NUMB: variants seen among roughly 807,000 people sequenced by gnomAD.
NUMB encodes the protein protein numb homolog.
Under a neutral mutation model 59.7 loss-of-function variants are expected in NUMB, and 29 were observed. The ratio of observed to expected loss-of-function variants is 0.49; its 90% CI spans 0.36 to 0.66. NUMB has a LOEUF of 0.66. Ranked by LOEUF, NUMB falls within the 30% of genes least tolerant of loss-of-function variation. NUMB has a pLI of 0.00. For missense variants in NUMB, 723 were observed against 822.0 expected (o/e 0.88, Z 1.47); for synonymous variants, 288 against 288.2 (o/e 1.00, Z 0.01).
intron 11 of NUMB, among the ~76,000 whole-genome samples, chr14:73,281,692 G>A (rs1888646121): frequency 6.6e-6 from 1 of 152,136 alleles, no homozygotes; most frequent in African/African-American, 2.4e-5. Context: ...TGCCACAAAG[G>A]CAAATTTTAA....
rs1167529926 is a variant in NUMB at position 73,406,169 on chromosome 14, T to C, written c.-101+3768A>G. Among the ~76,000 whole-genome samples the C allele has an allele frequency of 7.2e-5, 11 of 151,794 alleles. No individual in the cohort carries two copies. The East Asian group carries it at 1.9e-3, about 27-fold the overall frequency. On this transcript the variant is annotated intron_variant, in intron 2 of 12. Transcript: ENST00000555238. ...TGCAGGTTTGTTACATATGTATACA[T>C]GTGCCACGTTGGTGTGCTGCACCTA...
intron 1 of NUMB, among the ~76,000 whole-genome samples, chr14:73,420,179 C>T (rs1416176195): frequency 6.6e-6 from 1 of 152,200 alleles, no homozygotes; most frequent in African/African-American, 2.4e-5. Flanking sequence ...AACCTTATTG[C>T]ACTCAAGACC....
chr14:73,342,120 C>G (rs1304470594), intron 4 of NUMB, among the ~76,000 whole-genome samples: 1 of 152,220 alleles, frequency 6.6e-6, no homozygotes, highest in Non-Finnish European at 1.5e-5. Flanking sequence ...TGGTCTCAAA[C>G]CCCTGGGCCC....
At chr14:73,396,029 TTTTTA>T (rs1446616315) in intron 2 of NUMB, among the ~76,000 whole-genome samples, 2 of 152,142 alleles carry the variant, frequency 1.3e-5, no homozygotes, top group African/African-American at 4.8e-5. Context: ...GTCTTTTTTA[TTTTTA>T]TTTTTTTTAT....
At chr14:73,279,736 C>T (rs1334314606) in intron 11 of NUMB, among the ~76,000 whole-genome samples, 4 of 152,282 alleles carry the variant, frequency 2.6e-5, no homozygotes, top group Middle Eastern at 6.8e-3. Flanking sequence ...AGAGCTGCTG[C>T]GTCTTAGGAG....
intron 4 of NUMB, among the ~76,000 whole-genome samples, chr14:73,347,754 T>C (rs1261794612): frequency 3.3e-5 from 5 of 152,210 alleles, no homozygotes. Flanking sequence ...TCACTCTCCT[T>C]TGAACAAGCC....
intron 8 of NUMB, among the ~76,000 whole-genome samples, chr14:73,289,917 A>G (rs1472288966): frequency 6.6e-6 from 1 of 152,212 alleles, no homozygotes; most frequent in African/African-American, 2.4e-5. Context: ...GTTGTTGAAG[A>G]GTGACCTCAT....
At chr14:73,359,499 A>T (rs1288914756) in intron 3 of NUMB, among the ~76,000 whole-genome samples, 2 of 152,210 alleles carry the variant, frequency 1.3e-5, no homozygotes, top group Non-Finnish European at 2.9e-5. Flanking sequence ...AAACAAAATA[A>T]TTTTGCTTTG....
At chr14:73,383,083 T>C (rs1213966510) in intron 2 of NUMB, among the ~76,000 whole-genome samples, 1 of 152,154 alleles carries the variant, frequency 6.6e-6, no homozygotes, top group Non-Finnish European at 1.5e-5. Context: ...GAGGCAGAGG[T>C]TGCAGTGAGC....
At chr14:73,422,131 G>A (rs145556411) in intron 1 of NUMB, among the ~76,000 whole-genome samples, 6 of 123,516 alleles carry the variant, frequency 4.9e-5, no homozygotes, top group South Asian at 2.3e-4. Flanking sequence ...ACGACAGAGC[G>A]AGACTTCGTC....
At chr14:73,335,893 A>T (rs993575734) in intron 4 of NUMB, among the ~76,000 whole-genome samples, 4 of 152,252 alleles carry the variant, frequency 2.6e-5, no homozygotes, top group African/African-American at 9.6e-5. Context: ...ACAATACAGT[A>T]GCAAAACTTG....
At chr14:73,413,963 T>C (rs572282313) in intron 1 of NUMB, among the ~76,000 whole-genome samples, 3 of 151,644 alleles carry the variant, frequency 2.0e-5, no homozygotes, top group East Asian at 3.9e-4. Flanking sequence ...TTTCTTTTTT[T>C]TTTTTTTTTG....
intron 11 of NUMB, among the ~76,000 whole-genome samples, chr14:73,281,914 A>G (rs1888657943): frequency 6.6e-6 from 1 of 152,106 alleles, no homozygotes; most frequent in Non-Finnish European, 1.5e-5. Flanking sequence ...AGCCAGTAAC[A>G]CCCCCAACCC....
At chr14:73,383,889 G>A (rs568683766) in intron 2 of NUMB, among the ~76,000 whole-genome samples, 246 of 151,968 alleles carry the variant, frequency 1.6e-3, no homozygotes, top group African/African-American at 5.8e-3. Context: ...GGTGGGACGC[G>A]CCTATAGTCC....
chr14:73,281,896 T>C (rs1253780168), intron 11 of NUMB, among the ~76,000 whole-genome samples: 1 of 152,178 alleles, frequency 6.6e-6, no homozygotes. Flanking sequence ...TCTTGGCATC[T>C]AACCACAAGC....
At chr14:73,309,757 A>AATAATAATG (rs1197682576) in intron 6 of NUMB, among the ~76,000 whole-genome samples, 1 of 126,264 alleles carries the variant, frequency 7.9e-6, no homozygotes, top group Non-Finnish European at 1.6e-5. Flanking sequence ...TAATAATAAT[A>AATAATAATG]AAAATAGGAT....
In NUMB at chr14:73,276,653, G is replaced by A. The variant is rs1566720638; in HGVS notation, c.1881C>T (p.Ser627=). The part of the protein sequence containing the change: ...EAQWAALENK[S]KQRTNPSPTN... ...TAGGGGAGGGATTAGTACGCTGCTT[G>A]GACTTATTTTCTAATGCAGCCCACT... The change falls in exon 13 of 13, where the codon TCC becomes TCT. Residue 627 remains serine, a synonymous_variant. Transcript: ENST00000555238. 1 of 1,614,208 alleles carries A rather than the reference G, an allele frequency of 6.2e-7. No homozygotes were observed. The highest frequency in any genetic ancestry group is 8.5e-7 in the Non-Finnish European group (1 of 1,180,034).
chr14:73,282,351 G>C lies in NUMB; in HGVS notation c.1096+8C>G. The C allele has an allele frequency of 6.2e-7, 1 of 1,613,914 alleles. No individual in the cohort carries two copies. Among genetic ancestry groups the C allele is most frequent in the East Asian group, 2.2e-5 (1 of 44,886 alleles). ...AGAGAACAGCTGAGCAGGTCAGAGG[G>C]CACCAACCTTGGAAGGTAGGAGATT... is the stretch of plus-strand genomic sequence containing the variant. On this transcript the variant is annotated splice_region_variant and intron_variant, in intron 11 of 12. Transcript: ENST00000555238.
At chr14:73,438,370 C>T (rs149020816) in intron 1 of NUMB, among the ~76,000 whole-genome samples, 18 of 152,176 alleles carry the variant, frequency 1.2e-4, no homozygotes, top group Middle Eastern at 3.4e-3. Context: ...ATGGCTCATA[C>T]CTTTAATCCC....
Sources: gnomAD v4.1 joint callset for allele counts (sites outside exome capture counted in the v4.1 genomes callset) on GRCh38, gnomAD v4.1.1 for gene constraint, MANE v1.5 for transcripts, NCBI Gene and HGNC (gene_info 2026-07-23, HGNC 2026-07-21) for gene names.